The following SLC35F4 variants were observed in gnomAD, a reference collection of about 807,000 sequenced individuals.
The protein encoded by SLC35F4 is solute carrier family 35 member F4, also known as chromosome 14 open reading frame 36.
A neutral mutation model predicts 44.2 loss-of-function variants in SLC35F4; 24 were observed. The observed-to-expected ratio is 0.54, with a 90% CI of 0.39 to 0.76. The LOEUF is 0.76. SLC35F4 is among the 30% of genes least tolerant of loss of function. The pLI, the probability that SLC35F4 is intolerant of heterozygous loss-of-function variation, is 0.00. For synonymous variants in SLC35F4, 238 were observed against 223.6 expected (o/e 1.06, Z -0.57); for missense variants, 562 against 586.1 (o/e 0.96, Z 0.42).
intron 1 of SLC35F4, among the ~76,000 whole-genome samples, chr14:57,840,614 G>A (rs754027288): frequency 5.9e-5 from 9 of 152,158 alleles, no homozygotes; most frequent in East Asian, 1.9e-4. Flanking sequence ...TCTCATCCTC[G>A]TTCATTTTAA....
chr14:57,690,159 A>C (rs1387570925), intron 1 of SLC35F4, among the ~76,000 whole-genome samples: 2 of 152,282 alleles, frequency 1.3e-5, no homozygotes, highest in Admixed American at 6.5e-5. Flanking sequence ...TGAGTTAGCT[A>C]CTCCTTCCTG....
chr14:57,901,542 G>C (rs888609264), intron 1 of SLC35F4, among the ~76,000 whole-genome samples: 3 of 152,228 alleles, frequency 2.0e-5, no homozygotes, highest in African/African-American at 7.2e-5. Flanking sequence ...GGTAGGGGAA[G>C]GGAGAGCATC....
At chr14:57,823,571 T>C (rs1036226969) in intron 1 of SLC35F4, among the ~76,000 whole-genome samples, 2 of 152,202 alleles carry the variant, frequency 1.3e-5, no homozygotes, top group Non-Finnish European at 2.9e-5. Context: ...ATATAGTGCC[T>C]GGTTCCTAGT....
rs144982612 is a variant in SLC35F4 at position 57,722,619 on chromosome 14, G to A, written c.104-128495C>T. On this transcript the variant is annotated intron_variant, in intron 1 of 7. Transcript: ENST00000556826. ...AGGGGCCAAGTAGTGGCACTCAACCGTCAAAGGCAAGGTAGGCATAGCTAC... is the reference window on the plus strand; with the variant it reads ...AGGGGCCAAGTAGTGGCACTCAACCATCAAAGGCAAGGTAGGCATAGCTAC... Among the ~76,000 whole-genome samples the A allele has an allele frequency of 7.7e-4, 117 of 152,280 alleles. No individual in the cohort carries two copies. In the Middle Eastern group the frequency reaches 0.01, roughly 13 times the overall value.
At chr14:57,711,785 G>A (rs1258052371) in intron 1 of SLC35F4, among the ~76,000 whole-genome samples, 2 of 152,300 alleles carry the variant, frequency 1.3e-5, no homozygotes, top group South Asian at 2.1e-4. Flanking sequence ...AAATTAAGCT[G>A]CATGCAGCAC....
chr14:57,570,128 G>A (rs1380495703), intron 5 of SLC35F4, 148 bp from the exon 6 acceptor site: 5 of 643,186 alleles, frequency 7.8e-6, no homozygotes, highest in Non-Finnish European at 1.3e-5. Context: ...TAGATGGGCT[G>A]TTGAGATAAG....
intron 1 of SLC35F4, among the ~76,000 whole-genome samples, chr14:57,685,591 T>A (rs2075042781): frequency 6.6e-6 from 1 of 152,218 alleles, no homozygotes; most frequent in African/African-American, 2.4e-5. Flanking sequence ...TTCAGAGCAA[T>A]GATGTGCTTC....
At chr14:57,864,968 A>C (rs1887994578) in intron 1 of SLC35F4, among the ~76,000 whole-genome samples, 1 of 152,046 alleles carries the variant, frequency 6.6e-6, no homozygotes, top group South Asian at 2.1e-4. Context: ...ACGTGAAAGC[A>C]TCCACGCCGC....
chr14:57,685,712 C>G (rs1177313502), intron 1 of SLC35F4, among the ~76,000 whole-genome samples: 1 of 152,178 alleles, frequency 6.6e-6, no homozygotes, highest in African/African-American at 2.4e-5. Flanking sequence ...GAGACACACT[C>G]AAAAGTAATT....
At chr14:57,702,831 T>C (rs1210752829) in intron 1 of SLC35F4, among the ~76,000 whole-genome samples, 2 of 152,126 alleles carry the variant, frequency 1.3e-5, no homozygotes, top group Non-Finnish European at 2.9e-5. Context: ...TTTAGGCATA[T>C]AAGGAGATGC....
chr14:57,811,202 G>T (rs1443059835), intron 1 of SLC35F4, among the ~76,000 whole-genome samples: 2 of 152,128 alleles, frequency 1.3e-5, no homozygotes, highest in African/African-American at 2.4e-5. Flanking sequence ...CCCACCAAAA[G>T]TGGGCACCAA....
intron 1 of SLC35F4, chr14:57,603,965 G>A (rs532633330): frequency 1.2e-4 from 19 of 152,334 alleles, no homozygotes; most frequent in African/African-American, 3.4e-4. Context: ...TGTTCTCAGA[G>A]AGGGACCTCT....
chr14:57,610,781 C>T (rs2071449260), intron 1 of SLC35F4, among the ~76,000 whole-genome samples: 1 of 152,196 alleles, frequency 6.6e-6, no homozygotes, highest in African/African-American at 2.4e-5. Context: ...CAAATATTTA[C>T]TGAATGTATT....
intron 1 of SLC35F4, among the ~76,000 whole-genome samples, chr14:57,761,663 T>TA (rs1169993278): frequency 1.3e-5 from 2 of 152,096 alleles, no homozygotes; most frequent in African/African-American, 4.8e-5. Context: ...AAGCAGATTT[T>TA]AAAAAAATAG....
chr14:57,796,538 A>T (rs1056603602), intron 1 of SLC35F4, among the ~76,000 whole-genome samples: 1 of 152,224 alleles, frequency 6.6e-6, no homozygotes, highest in African/African-American at 2.4e-5. Context: ...TTTCAAATAC[A>T]CATAAATTAA....
intron 1 of SLC35F4, among the ~76,000 whole-genome samples, chr14:57,795,136 TA>T (rs2140826621): frequency 6.6e-6 from 1 of 152,318 alleles, no homozygotes; most frequent in African/African-American, 2.4e-5. Context: ...ACTTTGCATA[TA>T]TTCAATAAAT....
chr14:57,744,732 A>T (rs931693278), intron 1 of SLC35F4, among the ~76,000 whole-genome samples: 3 of 152,172 alleles, frequency 2.0e-5, no homozygotes, highest in Non-Finnish European at 4.4e-5. Flanking sequence ...AGAGTATTGG[A>T]AAAAACTACT....
At chr14:57,948,214 C>T (rs542011499) in intron 1 of SLC35F4, among the ~76,000 whole-genome samples, 1 of 151,974 alleles carries the variant, frequency 6.6e-6, no homozygotes, top group South Asian at 2.1e-4. Flanking sequence ...AATCTTGCTA[C>T]TTATTGGTCT....
chr14:57,802,305 A>G (rs553277790), intron 1 of SLC35F4, among the ~76,000 whole-genome samples: 2 of 152,192 alleles, frequency 1.3e-5, no homozygotes, highest in Non-Finnish European at 2.9e-5. Flanking sequence ...TAATGTACCA[A>G]AATCTCTGGG....
Sources: gnomAD v4.1 joint callset for allele counts (sites outside exome capture counted in the v4.1 genomes callset) on GRCh38, gnomAD v4.1.1 for gene constraint, MANE v1.5 for transcripts, NCBI Gene and HGNC (gene_info 2026-07-23, HGNC 2026-07-21) for gene names.